ZNF563: variants seen among roughly 807,000 people sequenced by gnomAD.
ZNF563 encodes the protein zinc finger protein 563.
Under a neutral mutation model 48.5 loss-of-function variants are expected in ZNF563, and 39 were observed. That is an observed-to-expected ratio of 0.80 (90% confidence interval 0.62 to 1.05). ZNF563 has a LOEUF of 1.05. Among genes scored for constraint, ZNF563 ranks in the 50% least tolerant of loss-of-function variants. The pLI, the probability that ZNF563 is intolerant of heterozygous loss-of-function variation, is 0.00. For synonymous variants in ZNF563, 168 were observed against 187.9 expected (o/e 0.89, Z 0.87); for missense variants, 538 against 597.0 (o/e 0.90, Z 1.03).
At chr19:12,333,733 C>T (rs1968981396), upstream of ZNF563, 1 of 546,142 alleles carries the variant, frequency 1.8e-6, no homozygotes, top group East Asian at 3.1e-5. Context: ...CTCACGACCC[C>T]GCCCCATAGC....
At chr19:12,328,380 G>C (rs1349020930) in intron 1 of ZNF563, among the ~76,000 whole-genome samples, 1 of 152,226 alleles carries the variant, frequency 6.6e-6, no homozygotes, top group African/African-American at 2.4e-5. Flanking sequence ...GTTGAGGCAA[G>C]AAGATTGCTT....
chr19:12,323,358 G>T (rs1968686334), intron 1 of ZNF563, among the ~76,000 whole-genome samples: 1 of 152,186 alleles, frequency 6.6e-6, no homozygotes, highest in South Asian at 2.1e-4. Context: ...AGTAATAAAA[G>T]GTGGGGATTG....
chr19:12,322,125 G>T (rs1968644723), intron 2 of ZNF563, among the ~76,000 whole-genome samples: 1 of 151,930 alleles, frequency 6.6e-6, no homozygotes, highest in East Asian at 1.9e-4. Flanking sequence ...GCGTGATCTT[G>T]GCTCACTGCG....
chr19:12,317,957 C>T lies in ZNF563; in HGVS notation c.*637G>A. The T allele has an allele frequency of 5.4e-6, 1 of 186,304 alleles. No individual in the cohort carries two copies. Among genetic ancestry groups the T allele is most frequent in the Non-Finnish European group, 1.3e-5 (1 of 79,030 alleles). The allele number at this position is 186,304 out of a possible 1,614,324, so 11.5% of individuals were successfully genotyped here. A position where few individuals can be genotyped will look rare whatever the true frequency, so the allele number is the denominator to read the frequency against. ...GGACCTGAGAGAACTCAATGCTTTTCTACATTTCTTACATTCATATGACTT... is the reference window on the plus strand; with the variant it reads ...GGACCTGAGAGAACTCAATGCTTTTTTACATTTCTTACATTCATATGACTT... On this transcript the variant is annotated 3_prime_UTR_variant, in exon 4 of 4. Coordinates refer to ENST00000293725, the MANE Select transcript of ZNF563 (RefSeq NM_145276.3).
At chr19:12,325,953 A>G (rs1968781625) in intron 1 of ZNF563, among the ~76,000 whole-genome samples, 1 of 152,248 alleles carries the variant, frequency 6.6e-6, no homozygotes, top group Non-Finnish European at 1.5e-5. Flanking sequence ...ATGAATAGTT[A>G]CAGCCTTCAT....
In ZNF563 at chr19:12,320,506, T is replaced by G. The variant is rs1285411084; in HGVS notation, c.192-673A>C. On this transcript the variant is annotated intron_variant, in intron 3 of 3. Transcript: ENST00000293725. The stretch of plus-strand genomic sequence containing the variant: ...ATAGGTGTGCACCAACACACTTGGC[T>G]AATTTTTTTTTTGAGACGGAGTCTT... 2.0e-5 allele frequency among the ~76,000 whole-genome samples: 3 copies of G among 151,812 alleles called. No homozygotes were observed. The East Asian group carries it at 5.9e-4, about 30-fold the overall frequency.
upstream of ZNF563, among the ~76,000 whole-genome samples, chr19:12,335,713 G>A (rs1172870749): frequency 2.0e-5 from 3 of 152,210 alleles, no homozygotes; most frequent in East Asian, 5.8e-4. Flanking sequence ...TGCATGCTCA[G>A]AAAGGCCAAG....
At chr19:12,330,713 A>G (rs1171536316) in intron 1 of ZNF563, among the ~76,000 whole-genome samples, 1 of 152,176 alleles carries the variant, frequency 6.6e-6, no homozygotes, top group African/African-American at 2.4e-5. Flanking sequence ...AGAATAACCA[A>G]TCTTCTGCCT....
At position 12,318,250 on chromosome 19, in the gene ZNF563, C is replaced by A. The variant is rs763526602; in HGVS notation, c.*344G>T. On this transcript the variant is annotated 3_prime_UTR_variant, in exon 4 of 4. Coordinates refer to ENST00000293725, the MANE Select transcript of ZNF563 (RefSeq NM_145276.3). ...TTCCTGAGGTCAAGCAATTTGCCCA[C>A]CCTAAGTGCTGGGATTACAGGCGTG... 2 of 268,406 alleles carry A rather than the reference C, an allele frequency of 7.5e-6. No homozygotes were observed. The highest frequency in any genetic ancestry group is 1.4e-5 in the Non-Finnish European group (2 of 141,234). The allele number at this position is 268,406 out of a possible 1,614,324, so 16.6% of individuals were successfully genotyped here.
chr19:12,333,530 C>T lies in ZNF563; in HGVS notation c.-48G>A, dbSNP rs758417380. ...AGGGTCCTCCCTCTGCCTCCCGCTG[C>T]CAGTGCGGGTCCCACTGTGACAGAG... On this transcript the variant is annotated 5_prime_UTR_variant, in exon 1 of 4. Transcript: ENST00000293725. 8.1e-6 allele frequency: 13 copies of T among 1,611,380 alleles called. No homozygotes were observed. Among genetic ancestry groups the T allele is most frequent in the Non-Finnish European group, 1.0e-5 (12 of 1,178,600 alleles).
chr19:12,337,311 T>G (rs1044974140), upstream of ZNF563, among the ~76,000 whole-genome samples: 6 of 152,034 alleles, frequency 3.9e-5, no homozygotes, highest in African/African-American at 1.4e-4. Flanking sequence ...CAAGCGATCC[T>G]CCTACCTCAG....
At chr19:12,333,404 C>G in intron 1 of ZNF563, 76 bp downstream of exon 1, 1 of 1,569,086 alleles carries the variant, frequency 6.4e-7, no homozygotes, top group Non-Finnish European at 8.7e-7. Flanking sequence ...GGGAGGCCCA[C>G]GTTCGCCGCG....
upstream of ZNF563, among the ~76,000 whole-genome samples, chr19:12,338,433 G>C (rs1345999320): frequency 6.6e-6 from 1 of 152,130 alleles, no homozygotes; most frequent in Non-Finnish European, 1.5e-5. Flanking sequence ...ATTTTTAGTA[G>C]AGATGGGGTT....
intron 1 of ZNF563, among the ~76,000 whole-genome samples, chr19:12,328,786 T>A (rs1489035476): frequency 7.9e-5 from 12 of 151,042 alleles, no homozygotes; most frequent in Admixed American, 6.6e-5. Flanking sequence ...AATAAATAAA[T>A]AATAAATAAA....
chr19:12,327,776 C>T (rs1299076686), intron 1 of ZNF563, among the ~76,000 whole-genome samples: 2 of 152,094 alleles, frequency 1.3e-5, no homozygotes, highest in South Asian at 2.1e-4. Context: ...TCAGACAAAT[C>T]GGGTTTTAGA....
intron 3 of ZNF563, 84 bp from the exon 4 acceptor site, chr19:12,319,917 T>C (rs1245276831): frequency 9.1e-6 from 3 of 329,586 alleles, no homozygotes; most frequent in Non-Finnish European, 1.2e-5. Flanking sequence ...TTGGATGTAC[T>C]TTTTTTTTTT....
At chr19:12,343,268 G>A in the ZNF563 span, among the ~76,000 whole-genome samples, 41 of 152,124 alleles carry the variant, frequency 2.7e-4, no homozygotes, top group African/African-American at 9.6e-4. Flanking sequence ...TTCAGTTTAA[G>A]GAACTAGAAA....
At position 12,318,693 on chromosome 19, in the gene ZNF563, C is replaced by A; in HGVS notation, c.1332G>T (p.Thr444=). 1 of 1,614,098 alleles carries A rather than the reference C, an allele frequency of 6.2e-7. No homozygotes were observed. The highest frequency in any genetic ancestry group is 8.5e-7 in the Non-Finnish European group (1 of 1,180,028). ...CCTTGCATTTATTCGGCCCATCTCC[C>A]GTATGCATTACCATATGTCTTCGAA... The part of the protein sequence containing the change: ...SSFRRHMVMH[T]GDGPNKCKVC... The change falls in exon 4 of 4, where the codon ACG becomes ACT. Residue 444 remains threonine, a synonymous_variant. Transcript: ENST00000293725.
the ZNF563 span, among the ~76,000 whole-genome samples, chr19:12,341,508 G>A: frequency 6.6e-6 from 1 of 152,154 alleles, no homozygotes. Flanking sequence ...AGGTTGAAAG[G>A]GAGGGCATGA....
Sources: allele counts gnomAD v4.1 joint callset (sites outside exome capture counted in the v4.1 genomes callset), GRCh38; gene constraint gnomAD v4.1.1; transcripts MANE v1.5; gene names NCBI Gene and HGNC (gene_info 2026-07-23, HGNC 2026-07-21).